Variants in SLC9A9 observed in about 807,000 individuals in gnomAD.
The protein encoded by SLC9A9 is sodium/hydrogen exchanger 9.
A neutral mutation model predicts 77.8 loss-of-function variants in SLC9A9; 62 were observed. That is an observed-to-expected ratio of 0.80 (90% CI 0.65 to 0.98). The LOEUF (loss-of-function observed/expected upper bound fraction) is 0.98, where lower values mean the gene tolerates loss of function less well. SLC9A9 is among the 50% of genes least tolerant of loss of function. The probability of loss-of-function intolerance (pLI) is 0.00; values close to 1 mark genes in which losing one functional copy is unlikely to be tolerated. For missense variants in SLC9A9, 775 were observed against 774.9 expected (o/e 1.00, Z 0.00); for synonymous variants, 320 against 283.5 (o/e 1.13, Z -1.29).
intron 13 of SLC9A9, among the ~76,000 whole-genome samples, chr3:143,369,054 A>T (rs1263826909): frequency 6.6e-6 from 1 of 152,146 alleles, no homozygotes; most frequent in African/African-American, 2.4e-5. Context: ...AGACAACTAG[A>T]CACAGATGGA....
intron 5 of SLC9A9, among the ~76,000 whole-genome samples, chr3:143,667,523 C>A (rs1455669685): frequency 6.6e-6 from 1 of 152,174 alleles, no homozygotes; most frequent in Non-Finnish European, 1.5e-5. Flanking sequence ...GCAAAAGAAA[C>A]TACCATCAGA....
intron 12 of SLC9A9, among the ~76,000 whole-genome samples, chr3:143,423,248 TACACACAC>T (rs377276883): frequency 0.022 from 3,112 of 143,804 alleles, 32 homozygotes; most frequent in South Asian, 0.042. Context: ...CACGCGCGTG[TACACACAC>T]ACACACACAC....
At position 143,266,660 on chromosome 3, in the gene SLC9A9, G is replaced by A. The variant is rs1190205564; in HGVS notation, c.*42C>T. On this transcript the variant is annotated 3_prime_UTR_variant, in exon 16 of 16. Transcript: ENST00000316549. The stretch of plus-strand genomic sequence containing the variant: ...CAGCTTGGCTTGTATTCCTCAGTGA[G>A]TCTTGCATTACTTGTGATTACATCT... The A allele has an allele frequency of 1.2e-6, 2 of 1,602,868 alleles. No homozygotes were observed. The highest frequency in any genetic ancestry group is 8.5e-7 in the Non-Finnish European group (1 of 1,170,262).
At chr3:143,398,743 A>G (rs2033784910) in intron 12 of SLC9A9, among the ~76,000 whole-genome samples, 1 of 152,192 alleles carries the variant, frequency 6.6e-6, no homozygotes, top group African/African-American at 2.4e-5. Flanking sequence ...ACATGGAAAA[A>G]TAGCCAAAGA....
chr3:143,572,487 G>C (rs2037281138), intron 8 of SLC9A9, among the ~76,000 whole-genome samples: 1 of 152,046 alleles, frequency 6.6e-6, no homozygotes, highest in South Asian at 2.1e-4. Flanking sequence ...GGAAGAAAGG[G>C]AACTAATGTT....
intron 1 of SLC9A9, among the ~76,000 whole-genome samples, chr3:143,842,356 G>C (rs775792396): frequency 6.6e-6 from 1 of 152,172 alleles, no homozygotes; most frequent in Non-Finnish European, 1.5e-5. Context: ...ACTCTAGCCT[G>C]GGTGACAGAG....
chr3:143,343,800 T>A (rs539489271), intron 14 of SLC9A9, among the ~76,000 whole-genome samples: 1 of 152,164 alleles, frequency 6.6e-6, no homozygotes, highest in Non-Finnish European at 1.5e-5. Context: ...CAAGGAGTCT[T>A]TGTGCTCTTG....
At position 143,788,117 on chromosome 3, in the gene SLC9A9, G is replaced by A. The variant is rs149608333; in HGVS notation, c.533+6884C>T. ...ATTATAGAAGAGGTGGTGTAGATCCGGAGAAAAGGCAGGGCCATACAATAA... is the reference window on the plus strand; with the variant it reads ...ATTATAGAAGAGGTGGTGTAGATCCAGAGAAAAGGCAGGGCCATACAATAA... On this transcript the variant is annotated intron_variant, in intron 4 of 15. Coordinates refer to ENST00000316549, the MANE Select transcript of SLC9A9 (RefSeq NM_173653.4). Among the ~76,000 whole-genome samples the A allele has an allele frequency of 9.7e-5, 9 of 92,772 alleles. No individual in the cohort carries two copies. The East Asian group carries it at 1.2e-3, about 12-fold the overall frequency. 60.9% of individuals were successfully genotyped at this position (92,772 alleles called of 152,430 possible).
rs571315689 is a variant in SLC9A9 at position 143,463,029 on chromosome 3, C to T, written c.1469+4008G>A. Among the ~76,000 whole-genome samples, 7 of 152,336 alleles carry T rather than the reference C, an allele frequency of 4.6e-5. No individual in the cohort carries two copies. In the South Asian group the frequency reaches 1.4e-3, roughly 32 times the overall value. ...AGCTGAGTCACAAGGAGGTTATATA[C>T]TTTGCATTTTATTATCTGATATCTG... On this transcript the variant is annotated intron_variant, in intron 12 of 15. Coordinates refer to ENST00000316549, the MANE Select transcript of SLC9A9 (RefSeq NM_173653.4).
chr3:143,739,124 A>G (rs1935018405), intron 4 of SLC9A9, among the ~76,000 whole-genome samples: 1 of 151,910 alleles, frequency 6.6e-6, no homozygotes, highest in Non-Finnish European at 1.5e-5. Flanking sequence ...CCCTCTAATC[A>G]TGCCTTTGTC....
At chr3:143,599,054 T>A (rs1412549222) in intron 6 of SLC9A9, among the ~76,000 whole-genome samples, 3 of 152,178 alleles carry the variant, frequency 2.0e-5, no homozygotes, top group African/African-American at 7.2e-5. Context: ...AGTTACCCCC[T>A]CACTGACCTG....
intron 12 of SLC9A9, among the ~76,000 whole-genome samples, chr3:143,451,750 G>A (rs1279366418): frequency 6.6e-6 from 1 of 152,072 alleles, no homozygotes; most frequent in Admixed American, 6.5e-5. Context: ...TGAAAGAAGC[G>A]TATGAACATA....
chr3:143,551,661 G>A (rs563474044), intron 9 of SLC9A9, among the ~76,000 whole-genome samples: 5 of 152,184 alleles, frequency 3.3e-5, no homozygotes, highest in Admixed American at 6.5e-5. Context: ...TCCTACTAAA[G>A]CTCCTTATGC....
intron 13 of SLC9A9, among the ~76,000 whole-genome samples, chr3:143,380,091 C>G (rs544827609): frequency 1.8e-4 from 28 of 152,114 alleles, no homozygotes; most frequent in Admixed American, 3.3e-4. Context: ...GAGAGGGAAA[C>G]TGAGACCCAA....
chr3:143,390,170 C>T (rs1045547250), intron 12 of SLC9A9, among the ~76,000 whole-genome samples: 1 of 152,216 alleles, frequency 6.6e-6, no homozygotes, highest in African/African-American at 2.4e-5. Context: ...TTACTTTTCT[C>T]CTAGACATTA....
chr3:143,446,570 G>T (rs2034846445), intron 12 of SLC9A9, among the ~76,000 whole-genome samples: 1 of 152,116 alleles, frequency 6.6e-6, no homozygotes, highest in African/African-American at 2.4e-5. Context: ...GAGGGAAGAG[G>T]TCCAGACCTC....
chr3:143,493,672 C>A lies in SLC9A9; in HGVS notation c.1296G>T (p.Gln432His). Residue 432 changes from glutamine (Q) to histidine (H), a missense_variant, in exon 11 of 16, where the codon CAG becomes CAT. Physicochemically the swap from Gln to His is conservative, Grantham distance 24 (BLOSUM62 0). Transcript: ENST00000316549. ...GRKQKIPWNF[Q>H]HMMMFSGLRG... is the part of the protein sequence containing the mutation. ...ACATACCTGAAAACATCATCATGTGCTGAAAGTTCCAGGGGATCTTCTGTT... is the reference window on the plus strand; with the variant it reads ...ACATACCTGAAAACATCATCATGTGATGAAAGTTCCAGGGGATCTTCTGTT... The A allele has an allele frequency of 6.2e-7, 1 of 1,613,698 alleles. No homozygotes were observed. Among genetic ancestry groups the A allele is most frequent in the Non-Finnish European group, 8.5e-7 (1 of 1,179,636 alleles).
intron 14 of SLC9A9, among the ~76,000 whole-genome samples, chr3:143,305,352 C>A (rs1257979006): frequency 1.3e-5 from 2 of 152,144 alleles, no homozygotes; most frequent in Non-Finnish European, 2.9e-5. Flanking sequence ...ATGTTCGCTA[C>A]CACATTCATT....
At chr3:143,650,828 TGAG>T (rs2038783029) in intron 6 of SLC9A9, among the ~76,000 whole-genome samples, 1 of 152,192 alleles carries the variant, frequency 6.6e-6, no homozygotes, top group African/African-American at 2.4e-5. Flanking sequence ...TATATTGACA[TGAG>T]GAGATACTAC....
Sources: allele counts gnomAD v4.1 joint callset (sites outside exome capture counted in the v4.1 genomes callset), GRCh38; gene constraint gnomAD v4.1.1; transcripts MANE v1.5; gene names NCBI Gene and HGNC (gene_info 2026-07-23, HGNC 2026-07-21).